Variants in TSEN2 observed in about 807,000 individuals in gnomAD.
TSEN2 encodes tRNA-splicing endonuclease subunit Sen2.
A neutral mutation model predicts 59.2 loss-of-function variants in TSEN2; 54 were observed. The ratio of observed to expected loss-of-function variants is 0.91; its 90% CI spans 0.73 to 1.14. The LOEUF (loss-of-function observed/expected upper bound fraction) is 1.14. TSEN2 is among the 50% of genes most tolerant of loss of function. The probability of loss-of-function intolerance (pLI) is 0.00; values close to 1 mark genes in which losing one functional copy is unlikely to be tolerated. For missense variants in TSEN2, 636 were observed against 576.2 expected, an observed-to-expected ratio of 1.10 and a Z score of -1.06; for synonymous variants, 195 against 198.2, an observed-to-expected ratio of 0.98 and a Z score of 0.14.
At chr3:12,509,549 A>G (rs2055210540) in intron 6 of TSEN2, among the ~76,000 whole-genome samples, 1 of 152,070 alleles carries the variant, frequency 6.6e-6, no homozygotes, top group Non-Finnish European at 1.5e-5. Flanking sequence ...ATATTTCCCA[A>G]GTTCAAAGTA....
chr3:12,533,648 A>G lies in TSEN2; in HGVS notation c.*927A>G, dbSNP rs1575486030. On this transcript the variant is annotated 3_prime_UTR_variant, in exon 12 of 12. Coordinates refer to ENST00000284995, the MANE Select transcript of TSEN2 (RefSeq NM_025265.4). The stretch of plus-strand genomic sequence containing the variant: ...GCAATCCAGCCTGAGCAATAGAGCA[A>G]GGTCCTGTCTCAAAAAAAAAAAAAA... 7.6e-6 allele frequency: 1 copy of G among 130,878 alleles called. No homozygotes were observed. Among genetic ancestry groups the G allele is most frequent in the Non-Finnish European group, 1.6e-5 (1 of 63,562 alleles). The allele number at this position is 130,878 out of a possible 1,614,324, so 8.1% of individuals were successfully genotyped here. A position where few individuals can be genotyped will look rare whatever the true frequency, so the allele number is the denominator to read the frequency against.
rs1198635626 is a variant in TSEN2, at chr3:12,533,031, T to G, written c.*310T>G. On this transcript the variant is annotated 3_prime_UTR_variant, in exon 12 of 12. Coordinates refer to ENST00000284995, the MANE Select transcript of TSEN2 (RefSeq NM_025265.4). ...GACTAGAGGAGTCCTGAGAGGACACTTCCAACAAGAGACATTTATTCTCTG... is the reference window on the plus strand; with the variant it reads ...GACTAGAGGAGTCCTGAGAGGACACGTCCAACAAGAGACATTTATTCTCTG... The G allele has an allele frequency of 1.1e-5, 5 of 456,268 alleles. No individual in the cohort carries two copies. The highest frequency in any genetic ancestry group is 1.6e-5 in the Non-Finnish European group (4 of 251,148). The allele number at this position is 456,268 out of a possible 1,614,324, so 28.3% of individuals were successfully genotyped here. A position where few individuals can be genotyped will look rare whatever the true frequency, so the allele number is the denominator to read the frequency against.
chr3:12,504,617 C>G (rs1440795016), intron 5 of TSEN2, among the ~76,000 whole-genome samples: 2 of 152,130 alleles, frequency 1.3e-5, no homozygotes, highest in Non-Finnish European at 2.9e-5. Flanking sequence ...AAATAAAATT[C>G]ACCAACAAAA....
At chr3:12,537,889 T>G (rs2057712927), downstream of TSEN2, among the ~76,000 whole-genome samples, 1 of 152,190 alleles carries the variant, frequency 6.6e-6, no homozygotes, top group Non-Finnish European at 1.5e-5. Flanking sequence ...CCGTTACTAC[T>G]AATAATGAGT....
chr3:12,509,028 A>G (rs987262287), intron 6 of TSEN2, among the ~76,000 whole-genome samples: 3 of 152,118 alleles, frequency 2.0e-5, no homozygotes, highest in Admixed American at 6.5e-5. Flanking sequence ...ATGTCTGGCT[A>G]ATTTTTTAAT....
intron 1 of TSEN2, among the ~76,000 whole-genome samples, chr3:12,488,248 C>A (rs1283251240): frequency 6.6e-6 from 1 of 152,192 alleles, no homozygotes; most frequent in South Asian, 2.1e-4. Context: ...GTGCAGGAGC[C>A]ACCTAAGTAA....
chr3:12,510,635 A>G (rs1046793889), intron 6 of TSEN2, among the ~76,000 whole-genome samples: 6 of 151,860 alleles, frequency 4.0e-5, no homozygotes, highest in Non-Finnish European at 8.8e-5. Flanking sequence ...TTTGTACCTC[A>G]CCCGTTTTTC....
downstream of TSEN2, among the ~76,000 whole-genome samples, chr3:12,537,460 T>C (rs968854720): frequency 2.0e-5 from 3 of 152,098 alleles, no homozygotes; most frequent in African/African-American, 7.2e-5. Flanking sequence ...TAGCATGAAA[T>C]AGGCATTTCT....
chr3:12,533,087 T>G lies in TSEN2; in HGVS notation c.*366T>G, dbSNP rs2057563973. The G allele has an allele frequency of 2.8e-6, 1 of 357,968 alleles. No individual in the cohort carries two copies. Among genetic ancestry groups the G allele is most frequent in the Admixed American group, 4.2e-5 (1 of 23,858 alleles). 22.2% of individuals were successfully genotyped at this position (357,968 alleles called of 1,614,324 possible). A position where few individuals can be genotyped will look rare whatever the true frequency, so the allele number is the denominator to read the frequency against. ...ACCTGAAAATGGTAGTAGTTTACAT[T>G]TATACAGTACAGTTTATGAAGCACT... On this transcript the variant is annotated 3_prime_UTR_variant, in exon 12 of 12. Coordinates refer to ENST00000284995, the MANE Select transcript of TSEN2 (RefSeq NM_025265.4).
At chr3:12,506,797 A>T (rs2054886068) in intron 6 of TSEN2, 2 of 985,200 alleles carry the variant, frequency 2.0e-6, no homozygotes, top group Non-Finnish European at 2.4e-6. Context: ...GCTTTCTTTG[A>T]TAGTTCCTGC....
chr3:12,506,185 T>G (rs890908255), intron 6 of TSEN2, among the ~76,000 whole-genome samples: 5 of 144,802 alleles, frequency 3.5e-5, no homozygotes, highest in Non-Finnish European at 7.4e-5. Context: ...TCATGGAGTC[T>G]CTACTTTTCA....
intron 4 of TSEN2, among the ~76,000 whole-genome samples, chr3:12,497,212 C>T (rs1213646915): frequency 6.6e-6 from 1 of 152,214 alleles, no homozygotes; most frequent in South Asian, 2.1e-4. Context: ...CCCTTCTCCT[C>T]TCTGCAGTGC....
rs763202098 is a variant in TSEN2 at position 12,489,961 on chromosome 3, C to A, written c.161C>A (p.Ala54Glu). The A allele has an allele frequency of 6.2e-7, 1 of 1,613,978 alleles. No individual in the cohort carries two copies. The highest frequency in any genetic ancestry group is 8.5e-7 in the Non-Finnish European group (1 of 1,180,008). The change falls in exon 2 of 12, where the codon GCG (alanine) becomes GAG (glutamate). Residue 54 changes from alanine to glutamate, a missense_variant. Transcript: ENST00000284995. ...AACAACAATGTGATTGTGAGGAATG[C>A]GGAGGACATTGAGCAGCTCTATGGG... The part of the protein sequence containing the change: ...MINNNVIVRN[A>E]EDIEQLYGKG...
chr3:12,487,993 A>G (rs2052797754), intron 1 of TSEN2, among the ~76,000 whole-genome samples: 1 of 152,180 alleles, frequency 6.6e-6, no homozygotes, highest in Admixed American at 6.5e-5. Flanking sequence ...TTTCATGGTT[A>G]TCTTTGTAAT....
At chr3:12,481,244 GT>G (rs2052190117), upstream of TSEN2, among the ~76,000 whole-genome samples, 1 of 152,204 alleles carries the variant, frequency 6.6e-6, no homozygotes, top group African/African-American at 2.4e-5. Context: ...TGTTGATATA[GT>G]CCATCCTCCC....
chr3:12,495,468 A>C (rs1282039671), intron 3 of TSEN2, among the ~76,000 whole-genome samples: 1 of 152,158 alleles, frequency 6.6e-6, no homozygotes, highest in African/African-American at 2.4e-5. Context: ...GAGCTCAGAC[A>C]ATCCACCCGT....
At chr3:12,516,444 ATATGTGTGTGTGTGTG>A (rs2056117926) in intron 6 of TSEN2, among the ~76,000 whole-genome samples, 151 bp from the exon 7 acceptor site, 1 of 51,566 alleles carries the variant, frequency 1.9e-5, no homozygotes, top group African/African-American at 8.7e-5. Flanking sequence ...CAAACAAAAT[ATATGTGTGTGTGTGTG>A]TGTGTGTGTG....
chr3:12,487,585 A>G (rs1194055777), intron 1 of TSEN2, among the ~76,000 whole-genome samples: 1 of 152,190 alleles, frequency 6.6e-6, no homozygotes, highest in Non-Finnish European at 1.5e-5. Context: ...TAAAAGTCCA[A>G]ACCATTCCTG....
In TSEN2 at chr3:12,509,265, A is replaced by G. The variant is rs182950598; in HGVS notation, c.909+4034A>G. On this transcript the variant is annotated intron_variant, in intron 6 of 11. Transcript: ENST00000284995. ...ACCTAGGCTGCAGTGCAGTGGCGTGATCTCAGCACACTGCAACGTCTGCCT... is the reference window on the plus strand; with the variant it reads ...ACCTAGGCTGCAGTGCAGTGGCGTGGTCTCAGCACACTGCAACGTCTGCCT... Among the ~76,000 whole-genome samples, 518 of 150,528 alleles carry G rather than the reference A, an allele frequency of 3.4e-3. 12 individuals carry two copies. Among genetic ancestry groups the G allele is most frequent in the Admixed American group, 0.029 (434 of 15,092 alleles).
Sources: gnomAD v4.1 joint callset for allele counts (sites outside exome capture counted in the v4.1 genomes callset) on GRCh38, gnomAD v4.1.1 for gene constraint, MANE v1.5 for transcripts, NCBI Gene and HGNC (gene_info 2026-07-23, HGNC 2026-07-21) for gene names.